The following PSAT1 variants were observed in gnomAD, a reference collection of about 807,000 sequenced individuals.
The protein encoded by PSAT1 is phosphoserine aminotransferase.
In PSAT1, 41 loss-of-function variants were observed where a neutral mutation model predicts 40.3. That is an observed-to-expected ratio of 1.02 (90% CI 0.79 to 1.32). PSAT1 has a LOEUF of 1.32. PSAT1 is among the 40% of genes most tolerant of loss of function. PSAT1 has a pLI of 0.00. For missense variants in PSAT1, 406 were observed against 455.8 expected, an observed-to-expected ratio of 0.89 and a Z score of 0.99; for synonymous variants, 147 against 170.5, an observed-to-expected ratio of 0.86 and a Z score of 1.07.
chr9:78,303,403 G>T (rs1828135959), intron 3 of PSAT1, among the ~76,000 whole-genome samples: 1 of 152,126 alleles, frequency 6.6e-6, no homozygotes, highest in Non-Finnish European at 1.5e-5. Context: ...TGGAACATCA[G>T]CCTGGGAGAG....
chr9:78,316,832 A>G (rs1278432082), intron 6 of PSAT1, among the ~76,000 whole-genome samples: 1 of 152,174 alleles, frequency 6.6e-6, no homozygotes, highest in African/African-American at 2.4e-5. Context: ...GCTGGCTGGA[A>G]GGCACTGTGC....
At chr9:78,320,782 C>T (rs1483326866) in intron 7 of PSAT1, among the ~76,000 whole-genome samples, 1 of 152,130 alleles carries the variant, frequency 6.6e-6, no homozygotes, top group Non-Finnish European at 1.5e-5. Context: ...AATCATCTTC[C>T]CTGGCTCCCT....
chr9:78,297,130 C>T lies in PSAT1; in HGVS notation c.-81C>T. 7.0e-7 allele frequency: 1 copy of T among 1,432,332 alleles called. No individual in the cohort carries two copies. The highest frequency in any genetic ancestry group is 9.6e-7 in the Non-Finnish European group (1 of 1,047,114). 88.7% of individuals were successfully genotyped at this position (1,432,332 alleles called of 1,614,324 possible). A position where few individuals can be genotyped will look rare whatever the true frequency, so the allele number is the denominator to read the frequency against. ...GCGGGGGTTCGGGGCCGGCTGCAGA[C>T]TCTCACCGCAGCGGCCAGGAACGCC... On this transcript the variant is annotated 5_prime_UTR_variant, in exon 1 of 9. Transcript: ENST00000376588.
chr9:78,297,503 A>G (rs867713059), intron 1 of PSAT1, among the ~76,000 whole-genome samples: 92 of 152,288 alleles, frequency 6.0e-4, no homozygotes, highest in Middle Eastern at 3.4e-3. Flanking sequence ...CCTGGCCCTG[A>G]CTGCTGGTGC....
chr9:78,304,034 CATT>C (rs1828145280), intron 3 of PSAT1, among the ~76,000 whole-genome samples: 1 of 152,170 alleles, frequency 6.6e-6, no homozygotes, highest in Admixed American at 6.6e-5. Context: ...AGGCCTAAAA[CATT>C]ATCGAAACCC....
chr9:78,305,428 C>T (rs572694894), intron 4 of PSAT1, among the ~76,000 whole-genome samples: 9 of 152,286 alleles, frequency 5.9e-5, no homozygotes, highest in African/African-American at 1.7e-4. Context: ...GCATACTCTT[C>T]TTGCAGAAGC....
At chr9:78,317,878 A>G in intron 7 of PSAT1, 74 bp downstream of exon 7, 1 of 1,501,526 alleles carries the variant, frequency 6.7e-7, no homozygotes, top group Non-Finnish European at 9.2e-7. Flanking sequence ...GTACCTTTGA[A>G]AAGTGGACAT....
chr9:78,310,696 C>T (rs538294227), intron 6 of PSAT1, among the ~76,000 whole-genome samples: 11 of 152,028 alleles, frequency 7.2e-5, no homozygotes, highest in South Asian at 2.1e-4. Flanking sequence ...CTGCAACCTC[C>T]GCCTCCCGGG....
intron 6 of PSAT1, among the ~76,000 whole-genome samples, chr9:78,310,636 A>G (rs1828253039): frequency 6.7e-6 from 1 of 148,240 alleles, no homozygotes; most frequent in Non-Finnish European, 1.5e-5. Context: ...TTTTTGACAG[A>G]ATCTTGCTCT....
intron 4 of PSAT1, 57 bp downstream of exon 4, chr9:78,304,997 C>A: frequency 2.0e-6 from 3 of 1,485,874 alleles, no homozygotes; most frequent in Non-Finnish European, 2.8e-6. Context: ...TTACCCCGAC[C>A]CAGGGCAATC....
At chr9:78,306,210 T>C in intron 4 of PSAT1, 104 bp from the exon 5 acceptor site, 1 of 1,269,052 alleles carries the variant, frequency 7.9e-7, no homozygotes, top group Non-Finnish European at 1.2e-6. Context: ...TCAGTTAGTC[T>C]TTCCCTGCTA....
intron 7 of PSAT1, among the ~76,000 whole-genome samples, chr9:78,318,861 C>G (rs1828388110): frequency 6.6e-6 from 1 of 152,202 alleles, no homozygotes; most frequent in African/African-American, 2.4e-5. Context: ...AGGCCCTTCA[C>G]CAAAATGCCA....
intron 1 of PSAT1, among the ~76,000 whole-genome samples, chr9:78,300,167 C>A (rs1171323105): frequency 6.6e-6 from 1 of 152,094 alleles, no homozygotes; most frequent in African/African-American, 2.4e-5. Flanking sequence ...TTCTTCCTGC[C>A]CACCCCACGC....
At chr9:78,308,221 A>G (rs1361636765) in intron 5 of PSAT1, among the ~76,000 whole-genome samples, 193 bp from the exon 6 acceptor site, 1 of 152,192 alleles carries the variant, frequency 6.6e-6, no homozygotes, top group African/African-American at 2.4e-5. Flanking sequence ...CTGACGGATC[A>G]TCCTCAGGCT....
intron 4 of PSAT1, 54 bp downstream of exon 4, chr9:78,304,994 G>A (rs1828161111): frequency 1.0e-5 from 15 of 1,506,178 alleles, no homozygotes; most frequent in South Asian, 3.4e-5. Context: ...GGGTTACCCC[G>A]ACCCAGGGCA....
At chr9:78,317,889 A>G in intron 7 of PSAT1, 85 bp downstream of exon 7, 1 of 1,455,500 alleles carries the variant, frequency 6.9e-7, no homozygotes, top group Non-Finnish European at 9.6e-7. Flanking sequence ...AAGTGGACAT[A>G]TTCACCTTTC....
At chr9:78,326,955 A>ATTTTT (rs1554688170) in intron 7 of PSAT1, among the ~76,000 whole-genome samples, 8 of 75,956 alleles carry the variant, frequency 1.1e-4, no homozygotes, top group African/African-American at 5.7e-4. Context: ...ATATATATAT[A>ATTTTT]TTTTTTTTTT....
chr9:78,320,576 C>T (rs545759617), intron 7 of PSAT1, among the ~76,000 whole-genome samples: 12 of 151,440 alleles, frequency 7.9e-5, no homozygotes, highest in South Asian at 2.1e-4. Context: ...TCCACCTATC[C>T]GCCCATCTAT....
chr9:78,317,611 G>T (rs1828366132), intron 6 of PSAT1, 65 bp from the exon 7 acceptor site: 6 of 1,574,420 alleles, frequency 3.8e-6, no homozygotes, highest in Non-Finnish European at 5.2e-6. Flanking sequence ...ACAGCAGTTT[G>T]CTTGAATATA....
Sources: gnomAD v4.1 joint callset for allele counts (sites outside exome capture counted in the v4.1 genomes callset) on GRCh38, gnomAD v4.1.1 for gene constraint, MANE v1.5 for transcripts, NCBI Gene and HGNC (gene_info 2026-07-23, HGNC 2026-07-21) for gene names.